The following BIN3 variants were observed in gnomAD, a reference collection of about 807,000 sequenced individuals.
BIN3 encodes the protein bridging integrator 3.
In BIN3, 41 loss-of-function variants were observed where a neutral mutation model predicts 38.2. That is an observed-to-expected ratio of 1.07 (90% CI 0.84 to 1.39). The LOEUF (loss-of-function observed/expected upper bound fraction) is 1.39. BIN3 is among the 40% of genes most tolerant of loss of function. The pLI is 0.00. For missense variants in BIN3, 361 were observed against 324.3 expected, an observed-to-expected ratio of 1.11 and a Z score of -0.87; for synonymous variants, 145 against 122.6, an observed-to-expected ratio of 1.18 and a Z score of -1.21.
chr8:22,629,364 C>T (rs995432038), intron 6 of BIN3, among the ~76,000 whole-genome samples: 3 of 152,186 alleles, frequency 2.0e-5, no homozygotes, highest in Non-Finnish European at 2.9e-5. Flanking sequence ...TCTGCCTGTT[C>T]CCCGCCCTGG....
chr8:22,644,842 T>G (rs753376713), intron 1 of BIN3, 39 bp from the exon 2 acceptor site: 13 of 1,566,978 alleles, frequency 8.3e-6, no homozygotes, highest in Non-Finnish European at 1.0e-5. Context: ...TTGTGAGAAG[T>G]GGGGAAGGAT....
At chr8:22,656,005 T>A (rs1017329241) in intron 1 of BIN3, among the ~76,000 whole-genome samples, 7 of 152,242 alleles carry the variant, frequency 4.6e-5, no homozygotes, top group African/African-American at 1.7e-4. Context: ...TCATTAAAAA[T>A]TTTTTTCCAG....
intron 8 of BIN3, 121 bp from the exon 9 acceptor site, chr8:22,621,689 G>A (rs1467394807): frequency 7.4e-6 from 8 of 1,079,068 alleles, no homozygotes; most frequent in South Asian, 4.4e-5. Flanking sequence ...GTGCAGCAGC[G>A]TGCCTTTGGG....
In BIN3 at chr8:22,621,243, C is replaced by CGG; in HGVS notation, c.*177_*178dup. ...CCTGCTGGGGCTGTGAGTGGGGAGA[C>CGG]GGCGGCCTGCCTAGGGCTCCTGGTG... On this transcript the variant is annotated 3_prime_UTR_variant, in exon 9 of 9. Transcript: ENST00000276416. 1.3e-6 allele frequency: 1 copy of CGG among 773,824 alleles called. No individual in the cohort carries two copies. Among genetic ancestry groups the CGG allele is most frequent in the Non-Finnish European group, 2.0e-6 (1 of 497,300 alleles). 47.9% of individuals were successfully genotyped at this position (773,824 alleles called of 1,614,324 possible). A position where few individuals can be genotyped will look rare whatever the true frequency, so the allele number is the denominator to read the frequency against.
At chr8:22,667,877 A>G (rs557204430) in intron 1 of BIN3, among the ~76,000 whole-genome samples, 1 of 152,224 alleles carries the variant, frequency 6.6e-6, no homozygotes, top group Non-Finnish European at 1.5e-5. Flanking sequence ...ACACTGACTG[A>G]TATCAGCTGC....
At chr8:22,636,761 A>G in intron 3 of BIN3, 161 bp downstream of exon 3, 1 of 997,868 alleles carries the variant, frequency 1.0e-6, no homozygotes. Context: ...TGACTCTCAC[A>G]TGGCCATTGC....
intron 1 of BIN3, among the ~76,000 whole-genome samples, chr8:22,649,808 GGAC>G (rs1427184917): frequency 1.3e-5 from 1 of 77,870 alleles, no homozygotes; most frequent in Non-Finnish European, 2.8e-5. Flanking sequence ...AAAACGCAAA[GGAC>G]AACACACACA....
intron 8 of BIN3, 126 bp downstream of exon 8, chr8:22,623,789 G>T: frequency 8.0e-7 from 1 of 1,248,828 alleles, no homozygotes; most frequent in South Asian, 1.5e-5. Flanking sequence ...ATTCCTTCAG[G>T]GCTTTGCCTG....
rs368244675 is a variant in BIN3, at chr8:22,638,809, C to T, written c.58-1847G>A. 9.8e-5 allele frequency among the ~76,000 whole-genome samples: 15 copies of T among 152,338 alleles called. No homozygotes were observed. The East Asian group carries it at 2.1e-3, about 22-fold the overall frequency. ...AAGTAAAACCCACCATTGGTGCCCCCGCCTCCCATCCTACAATCTTTCTTC... is the reference window on the plus strand; with the variant it reads ...AAGTAAAACCCACCATTGGTGCCCCTGCCTCCCATCCTACAATCTTTCTTC... On this transcript the variant is annotated intron_variant, in intron 2 of 8. Coordinates refer to ENST00000276416, the MANE Select transcript of BIN3 (RefSeq NM_018688.6).
Position 22,648,004 on chromosome 8 carries a change from G to A in BIN3, c.9-3201C>T, listed in dbSNP as rs908080265. ...AAAAAAATTAGCTGGGCATGGTGGC[G>A]GGCACCTGTAGTCCCAGCTACTCAG... is the stretch of plus-strand genomic sequence containing the variant. On this transcript the variant is annotated intron_variant, in intron 1 of 8. Coordinates refer to ENST00000276416, the MANE Select transcript of BIN3 (RefSeq NM_018688.6). Among the ~76,000 whole-genome samples the A allele has an allele frequency of 3.9e-5, 6 of 151,926 alleles. No individual in the cohort carries two copies. The South Asian group carries it at 6.2e-4, about 16-fold the overall frequency.
chr8:22,625,263 G>A, intron 6 of BIN3: 2 of 700,006 alleles, frequency 2.9e-6, no homozygotes, highest in Non-Finnish European at 5.2e-6. Flanking sequence ...CGCTGCTGCT[G>A]CTGGAGGGCT....
intron 1 of BIN3, among the ~76,000 whole-genome samples, chr8:22,661,802 A>AT (rs962333887): frequency 4.7e-5 from 7 of 150,066 alleles, no homozygotes; most frequent in South Asian, 2.1e-4. Flanking sequence ...ATATATATAC[A>AT]TTTTTTTTGA....
intron 1 of BIN3, among the ~76,000 whole-genome samples, chr8:22,654,446 A>G (rs967770799): frequency 6.6e-6 from 1 of 152,106 alleles, no homozygotes; most frequent in East Asian, 1.9e-4. Context: ...ATTTCAGAAC[A>G]TTTTCATCAC....
At chr8:22,660,556 G>A (rs1803199733) in intron 1 of BIN3, among the ~76,000 whole-genome samples, 2 of 152,224 alleles carry the variant, frequency 1.3e-5, no homozygotes, top group South Asian at 2.1e-4. Flanking sequence ...GAAGGAAGAT[G>A]GCTGGATGGA....
chr8:22,643,682 C>G (rs561100514), intron 2 of BIN3, among the ~76,000 whole-genome samples: 1 of 152,342 alleles, frequency 6.6e-6, no homozygotes, highest in East Asian at 1.9e-4. Context: ...AGCCATTGGT[C>G]AGATGTGTGC....
chr8:22,624,541 C>T, intron 6 of BIN3, 178 bp from the exon 7 acceptor site: 1 of 727,820 alleles, frequency 1.4e-6, no homozygotes, highest in Non-Finnish European at 2.2e-6. Context: ...CCAGACCCTG[C>T]TCTAGGTCTT....
chr8:22,642,160 C>T (rs1387838096), intron 2 of BIN3, among the ~76,000 whole-genome samples: 1 of 151,262 alleles, frequency 6.6e-6, no homozygotes, highest in African/African-American at 2.5e-5. Flanking sequence ...CTGAAGATAA[C>T]GTGAGCATTT....
chr8:22,656,872 T>G (rs1803072432), intron 1 of BIN3, among the ~76,000 whole-genome samples: 1 of 152,252 alleles, frequency 6.6e-6, no homozygotes. Flanking sequence ...CTTTCATTAC[T>G]TAAGTAAACT....
intron 2 of BIN3, among the ~76,000 whole-genome samples, chr8:22,639,482 T>C (rs139193970): frequency 3.2e-4 from 48 of 152,310 alleles, no homozygotes; most frequent in African/African-American, 9.1e-4. Flanking sequence ...TCCTCTTGCA[T>C]TGGCCTCCCA....
Sources: gnomAD v4.1 joint callset for allele counts (sites outside exome capture counted in the v4.1 genomes callset) on GRCh38, gnomAD v4.1.1 for gene constraint, MANE v1.5 for transcripts, NCBI Gene and HGNC (gene_info 2026-07-23, HGNC 2026-07-21) for gene names.